Variants in ANKRD7 observed in about 807,000 individuals in gnomAD.
ANKRD7 encodes ankyrin repeat domain-containing protein 7.
A neutral mutation model predicts 30.8 loss-of-function variants in ANKRD7; 30 were observed. The observed-to-expected ratio is 0.97, with a 90% confidence interval of 0.73 to 1.32. ANKRD7 has a LOEUF of 1.32. Ranked by LOEUF, ANKRD7 falls within the 40% of genes most tolerant of loss-of-function variation. The pLI, the probability that ANKRD7 is intolerant of heterozygous loss-of-function variation, is 0.00. For missense variants in ANKRD7, 264 were observed against 295.7 expected (o/e 0.89, Z 0.79); for synonymous variants, 97 against 106.6 (o/e 0.91, Z 0.55).
intron 4 of ANKRD7, 115 bp from the exon 5 acceptor site, chr7:118,236,675 T>C (rs1809735643): frequency 9.0e-7 from 1 of 1,108,760 alleles, no homozygotes; most frequent in Admixed American, 2.3e-5. Context: ...ATTGTTGCTT[T>C]GACTCTTTCT....
In ANKRD7 at chr7:118,224,963, C is replaced by T; in HGVS notation, c.133C>T (p.Leu45Phe). The change falls in exon 1 of 7, where the codon CTT becomes TTT. Residue 45 changes from leucine (L) to phenylalanine (F), a missense_variant. Transcript: ENST00000265224. Reference protein sequence around the residue: ...VGDLKKLKEYLQIKKYDVNMQ... With the variant: ...VGDLKKLKEYFQIKKYDVNMQ... ...GGATTTGAAGAAGCTGAAGGAATAC[C>T]TTCAGATCAAGAAATATGATGTAAA... The T allele has an allele frequency of 1.2e-6, 2 of 1,614,046 alleles. No homozygotes were observed. The highest frequency in any genetic ancestry group is 1.7e-6 in the Non-Finnish European group (2 of 1,179,986).
At chr7:118,236,380 TA>T (rs1562873742) in intron 4 of ANKRD7, among the ~76,000 whole-genome samples, 1 of 152,184 alleles carries the variant, frequency 6.6e-6, no homozygotes, top group Non-Finnish European at 1.5e-5. Context: ...TTGGGCCAGG[TA>T]TTAACTGGTT....
intron 5 of ANKRD7, among the ~76,000 whole-genome samples, chr7:118,237,289 G>A (rs1188717211): frequency 2.0e-5 from 3 of 152,112 alleles, no homozygotes; most frequent in African/African-American, 7.2e-5. Context: ...TTGTATTCAT[G>A]TTTTGAATAT....
At chr7:118,227,870 A>G in intron 1 of ANKRD7, 2 of 1,339,936 alleles carry the variant, frequency 1.5e-6, no homozygotes, top group Non-Finnish European at 2.0e-6. Context: ...ACAGTTAGGA[A>G]AAGGATTTGT....
At position 118,236,871 on chromosome 7, in the gene ANKRD7, C is replaced by A. The variant is rs752385461; in HGVS notation, c.657C>A (p.Tyr219Ter). 7 of 1,613,782 alleles carry A rather than the reference C, an allele frequency of 4.3e-6. No homozygotes were observed. The highest frequency in any genetic ancestry group is 4.2e-6 in the Non-Finnish European group (5 of 1,179,866). The stretch of plus-strand genomic sequence containing the variant: ...TTCAGCAAGGTGTGGAATTATGTTA[C>A]GAAGGTATTGTGGATTCACAGCTGA... ...LLLQQGVELCYEGIVDSQLRN... is the reference protein window; with the variant it reads ...LLLQQGVELC Residue 219 changes from tyrosine (Y) to a stop codon, truncating the protein, a stop_gained, in exon 5 of 7, where the codon TAC becomes TAA. Coordinates refer to ENST00000265224, the MANE Select transcript of ANKRD7 (RefSeq NM_019644.4). LOFTEE classifies it high-confidence loss of function.
At chr7:118,241,521 C>CT (rs3061682) in intron 6 of ANKRD7, among the ~76,000 whole-genome samples, 1,836 of 84,394 alleles carry the variant, frequency 0.022, 201 homozygotes, top group Middle Eastern at 0.038. Flanking sequence ...TCTGAATTAC[C>CT]TTTTTTTTTT....
chr7:118,240,768 TA>T (rs2116030161), intron 6 of ANKRD7, among the ~76,000 whole-genome samples: 1 of 152,262 alleles, frequency 6.6e-6, no homozygotes, highest in South Asian at 2.1e-4. Flanking sequence ...ACGAATTAAT[TA>T]TATAAAATTT....
chr7:118,234,877 A>T lies in ANKRD7; in HGVS notation c.468+3A>T. 1 of 1,585,800 alleles carries T rather than the reference A, an allele frequency of 6.3e-7. No homozygotes were observed. ...CTGATCTTGAAGCGAAAAATAAGGT[A>T]GTTTTCTATTAAAGAAAAAAATCCT... On this transcript the variant is annotated splice_donor_region_variant and intron_variant, in intron 3 of 6. Transcript: ENST00000265224.
chr7:118,225,120 A>T (rs1298592071), intron 1 of ANKRD7, 111 bp downstream of exon 1: 1 of 1,255,260 alleles, frequency 8.0e-7, no homozygotes, highest in African/African-American at 1.5e-5. Flanking sequence ...CGGGTTTCCC[A>T]AAGAAGAGAG....
chr7:118,234,323 T>C, intron 1 of ANKRD7, 108 bp from the exon 2 acceptor site: 1 of 546,792 alleles, frequency 1.8e-6, no homozygotes, highest in East Asian at 3.0e-5. Flanking sequence ...AATATGTGCA[T>C]GAAGCAAGTA....
At chr7:118,232,952 A>T (rs191100440) in intron 1 of ANKRD7, among the ~76,000 whole-genome samples, 2 of 152,216 alleles carry the variant, frequency 1.3e-5, no homozygotes, top group East Asian at 3.9e-4. Flanking sequence ...AAAGCTATTT[A>T]GCCCTGTGTT....
intron 4 of ANKRD7, 63 bp downstream of exon 4, chr7:118,236,210 ATGTG>A (rs3993811): frequency 2.5e-3 from 1,501 of 603,470 alleles, no homozygotes; most frequent in Middle Eastern, 4.5e-3. Flanking sequence ...GTGTGTGCGT[ATGTG>A]TGTGTGTGTG....
At chr7:118,233,968 C>A (rs931814286) in intron 1 of ANKRD7, among the ~76,000 whole-genome samples, 14 of 152,100 alleles carry the variant, frequency 9.2e-5, no homozygotes, top group Non-Finnish European at 1.5e-4. Context: ...TCACCTTTTA[C>A]TTCTCAGAAA....
At chr7:118,225,308 G>A (rs1809522148) in intron 1 of ANKRD7, among the ~76,000 whole-genome samples, 1 of 152,152 alleles carries the variant, frequency 6.6e-6, no homozygotes, top group East Asian at 1.9e-4. Context: ...CCAACATGGC[G>A]AAACCCCGTC....
chr7:118,231,147 G>C (rs964257820), intron 1 of ANKRD7, among the ~76,000 whole-genome samples: 3 of 151,976 alleles, frequency 2.0e-5, no homozygotes, highest in Admixed American at 6.6e-5. Context: ...TCAAACTAGA[G>C]CTACTACTCG....
At chr7:118,241,662 C>T (rs1026885982) in intron 6 of ANKRD7, among the ~76,000 whole-genome samples, 3 of 150,900 alleles carry the variant, frequency 2.0e-5, no homozygotes, top group African/African-American at 7.3e-5. Context: ...GCCTCAGCCT[C>T]CCAAGTAGTT....
chr7:118,228,082 C>A, intron 1 of ANKRD7: 1 of 1,271,338 alleles, frequency 7.9e-7, no homozygotes, highest in Non-Finnish European at 1.0e-6. Context: ...TTTGCCATAT[C>A]AGTGGTATTT....
At chr7:118,229,352 T>C (rs1482880333) in intron 1 of ANKRD7, among the ~76,000 whole-genome samples, 2 of 152,148 alleles carry the variant, frequency 1.3e-5, no homozygotes, top group Non-Finnish European at 2.9e-5. Flanking sequence ...CTTAATATTG[T>C]CTTATGTACT....
Position 118,236,092 on chromosome 7 carries a change from G to A in ANKRD7, c.520G>A (p.Val174Ile), listed in dbSNP as rs1809723400. 11 of 1,608,206 alleles carry A rather than the reference G, an allele frequency of 6.8e-6. No individual in the cohort carries two copies. Among genetic ancestry groups the A allele is most frequent in the African/African-American group, 1.3e-5 (1 of 74,660 alleles). ...VAVINNNPKM[V>I]KFLLEKGADV... ...CGTTATTAACAATAATCCAAAAATG[G>A]TAAAATTTCTTCTGGAGAAAGGGGC... The change falls in exon 4 of 7, where the codon GTA becomes ATA. Residue 174 changes from valine (V) to isoleucine (I), a missense_variant. Transcript: ENST00000265224.
Sources: gnomAD v4.1 joint callset for allele counts (sites outside exome capture counted in the v4.1 genomes callset) on GRCh38, gnomAD v4.1.1 for gene constraint, MANE v1.5 for transcripts, NCBI Gene and HGNC (gene_info 2026-07-23, HGNC 2026-07-21) for gene names.